The following ACTN2 variants were observed in gnomAD, a reference collection of about 807,000 sequenced individuals.
The protein encoded by ACTN2 is actinin alpha 2, also known as alpha-actinin-2.
A neutral mutation model predicts 113.8 loss-of-function variants in ACTN2; 39 were observed. The ratio of observed to expected loss-of-function variants is 0.34; its 90% CI spans 0.27 to 0.45. The LOEUF (loss-of-function observed/expected upper bound fraction) is 0.45. Among genes scored for constraint, ACTN2 ranks in the 20% least tolerant of loss-of-function variants. The pLI is 1.00. For synonymous variants in ACTN2, 429 were observed against 444.1 expected, an observed-to-expected ratio of 0.97 and a Z score of 0.43; for missense variants, 992 against 1,177.9, an observed-to-expected ratio of 0.84 and a Z score of 2.31.
intron 1 of ACTN2, among the ~76,000 whole-genome samples, chr1:236,691,133 G>A (rs1057076478): frequency 2.0e-5 from 3 of 151,424 alleles, no homozygotes; most frequent in Admixed American, 6.6e-5. Flanking sequence ...TAGTAGAGAC[G>A]GGATTTCACT....
intron 7 of ACTN2, among the ~76,000 whole-genome samples, chr1:236,731,652 T>A (rs1375776857): frequency 6.6e-6 from 1 of 152,256 alleles, no homozygotes; most frequent in Non-Finnish European, 1.5e-5. Context: ...ACATAATGTT[T>A]TCTCCCTAAC....
rs536407335 is a variant in ACTN2, at chr1:236,726,907, A to G, written c.537-771A>G. On this transcript the variant is annotated intron_variant, in intron 5 of 20. Transcript: ENST00000366578. The stretch of plus-strand genomic sequence containing the variant: ...AGAGTGCCCAGATCTGCATCCACTC[A>G]TCTTGCTTTTCTTTTTCTGGCTCCT... Among the ~76,000 whole-genome samples, 6 of 152,304 alleles carry G rather than the reference A, an allele frequency of 3.9e-5. No homozygotes were observed. In the East Asian group the frequency reaches 9.7e-4, roughly 25 times the overall value.
In ACTN2 at chr1:236,718,061, G is replaced by C. The variant is rs533545102; in HGVS notation, c.241+89G>C. On this transcript the variant is annotated intron_variant, in intron 2 of 20. Coordinates refer to ENST00000366578, the MANE Select transcript of ACTN2 (RefSeq NM_001103.4). Reference sequence around the variant, plus strand: ...GATGACTACATCAGAAGTTCGCTTTGAACTTGGCTGGGCAAGAACATGGTA... The same window carrying C: ...GATGACTACATCAGAAGTTCGCTTTCAACTTGGCTGGGCAAGAACATGGTA... The C allele has an allele frequency of 2.9e-6, 3 of 1,047,036 alleles. No homozygotes were observed. In the African/African-American group the frequency reaches 4.7e-5, roughly 16 times the overall value. The allele number at this position is 1,047,036 out of a possible 1,614,324, so 64.9% of individuals were successfully genotyped here.
intron 10 of ACTN2, among the ~76,000 whole-genome samples, chr1:236,742,411 A>T (rs1659098426): frequency 6.6e-6 from 1 of 152,034 alleles, no homozygotes; most frequent in Non-Finnish European, 1.5e-5. Flanking sequence ...ACTGAATAAG[A>T]GTTGTTTTGG....
chr1:236,752,204 TG>T (rs1472996702), intron 15 of ACTN2, among the ~76,000 whole-genome samples: 2 of 152,208 alleles, frequency 1.3e-5, no homozygotes, highest in East Asian at 3.8e-4. Flanking sequence ...TTTTTAAGAT[TG>T]GGACATTTCT....
At chr1:236,705,760 C>T (rs907006113) in intron 1 of ACTN2, among the ~76,000 whole-genome samples, 1 of 152,202 alleles carries the variant, frequency 6.6e-6, no homozygotes, top group African/African-American at 2.4e-5. Flanking sequence ...GGGGTGATTC[C>T]ATATATCGGA....
chr1:236,721,322 T>C (rs1162613225), intron 4 of ACTN2, among the ~76,000 whole-genome samples: 1 of 151,948 alleles, frequency 6.6e-6, no homozygotes, highest in Admixed American at 6.6e-5. Context: ...CTCTGGTCTT[T>C]TTAAGTGATT....
chr1:236,695,563 T>TTCTCCCCCC (rs1553296741), intron 1 of ACTN2, among the ~76,000 whole-genome samples: 1 of 100,796 alleles, frequency 9.9e-6, no homozygotes, highest in African/African-American at 4.1e-5. Context: ...TGAAATGAGT[T>TTCTCCCCCC]CCCCCCCCCT....
At chr1:236,689,371 T>A (rs1232365865) in intron 1 of ACTN2, among the ~76,000 whole-genome samples, 1 of 148,080 alleles carries the variant, frequency 6.8e-6, no homozygotes, top group Non-Finnish European at 1.5e-5. Context: ...TATATATATA[T>A]AAAATATGTA....
At chr1:236,695,881 AATT>A (rs1267170427) in intron 1 of ACTN2, among the ~76,000 whole-genome samples, 1 of 152,200 alleles carries the variant, frequency 6.6e-6, no homozygotes, top group African/African-American at 2.4e-5. Flanking sequence ...AGTCTTTAGA[AATT>A]ATTATACACT....
chr1:236,721,816 G>A lies in ACTN2; in HGVS notation c.448+1625G>A, dbSNP rs1658406280. ...TTTCCACAAATATTACAGAGGTGAA[G>A]TTGACCTCAAGTTGTTTCTGATTGG... On this transcript the variant is annotated intron_variant, in intron 4 of 20. Transcript: ENST00000366578. Among the ~76,000 whole-genome samples the A allele has an allele frequency of 2.0e-5, 3 of 152,260 alleles. No individual in the cohort carries two copies. The South Asian group carries it at 6.2e-4, about 32-fold the overall frequency.
intron 1 of ACTN2, among the ~76,000 whole-genome samples, chr1:236,687,295 T>C (rs1163104056): frequency 3.3e-5 from 5 of 152,246 alleles, no homozygotes; most frequent in Non-Finnish European, 5.9e-5. Context: ...GGATGTTGTA[T>C]GAACACTAGA....
chr1:236,717,347 G>A (rs1397318501), intron 1 of ACTN2, among the ~76,000 whole-genome samples: 1 of 152,124 alleles, frequency 6.6e-6, no homozygotes, highest in Non-Finnish European at 1.5e-5. Context: ...TGAGGCAGGA[G>A]GATCAGTTGA....
At chr1:236,725,520 G>A (rs887351390) in intron 4 of ACTN2, among the ~76,000 whole-genome samples, 4 of 152,060 alleles carry the variant, frequency 2.6e-5, no homozygotes, top group African/African-American at 4.8e-5. Flanking sequence ...CCAGCTACTC[G>A]GGAGGCTGAG....
In ACTN2 at chr1:236,759,720, A is replaced by G; in HGVS notation, c.2302-4A>G. On this transcript the variant is annotated splice_polypyrimidine_tract_variant and splice_region_variant and intron_variant, in intron 18 of 20. Coordinates refer to ENST00000366578, the MANE Select transcript of ACTN2 (RefSeq NM_001103.4). ...CCTGCTCTGTCCTTTGTTTTTGCCA[A>G]CAGAGGAAGAATGGCCTGATGGATC... 6.2e-7 allele frequency: 1 copy of G among 1,614,012 alleles called. No homozygotes were observed. Among genetic ancestry groups the G allele is most frequent in the Non-Finnish European group, 8.5e-7 (1 of 1,179,908 alleles).
At chr1:236,749,051 G>T in intron 13 of ACTN2, 73 bp from the exon 14 acceptor site, 1 of 1,509,730 alleles carries the variant, frequency 6.6e-7, no homozygotes, top group Non-Finnish European at 9.2e-7. Context: ...CTGTTCTTAT[G>T]GAACGCCTAC....
chr1:236,749,314 A>T, intron 14 of ACTN2, 50 bp downstream of exon 14: 1 of 1,610,944 alleles, frequency 6.2e-7, no homozygotes. Context: ...GTGAGTTGTC[A>T]TTTAAACTTA....
intron 1 of ACTN2, among the ~76,000 whole-genome samples, chr1:236,710,736 C>A (rs550818959): frequency 6.6e-6 from 1 of 152,172 alleles, no homozygotes; most frequent in Non-Finnish European, 1.5e-5. Flanking sequence ...ACCTGAACTC[C>A]GCCTCCTGTC....
In ACTN2 at chr1:236,754,909, G is replaced by GTC; in HGVS notation, c.1975-110_1975-109insTC. ...AACCGAGTGACACTGGCCGCTGCCT[G>GTC]ACGCTGGCCTAGCATCCCATGCAGG... On this transcript the variant is annotated intron_variant, in intron 16 of 20. Coordinates refer to ENST00000366578, the MANE Select transcript of ACTN2 (RefSeq NM_001103.4). This position sits in a 1 kb window ranked among gnomAD's most constrained non-coding sequence, Gnocchi z 4.9. 7.6e-7 allele frequency: 1 copy of GTC among 1,313,230 alleles called. No homozygotes were observed. Among genetic ancestry groups the GTC allele is most frequent in the Non-Finnish European group, 1.1e-6 (1 of 908,782 alleles). 81.3% of individuals were successfully genotyped at this position (1,313,230 alleles called of 1,614,324 possible).
Sources: allele counts gnomAD v4.1 joint callset (sites outside exome capture counted in the v4.1 genomes callset), GRCh38; gene constraint gnomAD v4.1.1; non-coding constraint Gnocchi (gnomAD v3.1); transcripts MANE v1.5; gene names NCBI Gene and HGNC (gene_info 2026-07-23, HGNC 2026-07-21).